Variants in GREB1 observed in about 807,000 individuals in gnomAD.
GREB1 encodes growth regulating estrogen receptor binding 1.
A neutral mutation model predicts 200.7 loss-of-function variants in GREB1; 106 were observed. That is an observed-to-expected ratio of 0.53 (90% CI 0.45 to 0.62). The LOEUF (loss-of-function observed/expected upper bound fraction) is 0.62. GREB1 is among the 20% of genes least tolerant of loss of function. GREB1 has a pLI of 0.00. For synonymous variants in GREB1, 1,132 were observed against 1,092.4 expected (o/e 1.04, Z -0.72); for missense variants, 2,243 against 2,556.8 (o/e 0.88, Z 2.65).
At chr2:11,541,446 A>G (rs4669745) in intron 1 of GREB1, among the ~76,000 whole-genome samples, 94,852 of 146,718 alleles carry the variant, frequency 0.65, 30,115 homozygotes, top group South Asian at 0.75. Context: ...GGCAAGTGAG[A>G]GGGGGGCCAT....
At chr2:11,607,773 G>T (rs927917890) in intron 17 of GREB1, among the ~76,000 whole-genome samples, 10 of 151,924 alleles carry the variant, frequency 6.6e-5, no homozygotes, top group African/African-American at 2.4e-4. Context: ...AGGACTCTTT[G>T]TTGCAAGTAA....
Position 11,637,741 on chromosome 2 carries a change from T to C in GREB1, c.5372T>C (p.Val1791Ala), listed in dbSNP as rs528797512. The C allele has an allele frequency of 6.2e-7, 1 of 1,613,694 alleles. No homozygotes were observed. Among genetic ancestry groups the C allele is most frequent in the South Asian group, 1.1e-5 (1 of 91,078 alleles). ...SKVSDNSAAV[V>A]PAQYICAPDS... ...GTGTCTGATAACTCTGCCGCGGTCGTGCCGGCCCAGTACATCTGTGCCCCG... is the reference window on the plus strand; with the variant it reads ...GTGTCTGATAACTCTGCCGCGGTCGCGCCGGCCCAGTACATCTGTGCCCCG... The change falls in exon 31 of 33, where the codon GTG becomes GCG. Residue 1791 changes from valine (V) to alanine (A), a missense_variant. Val to Ala is a moderately conservative substitution (Grantham distance 64). Coordinates refer to ENST00000381486, the MANE Select transcript of GREB1 (RefSeq NM_014668.4).
rs34558240 is a variant in GREB1, at chr2:11,548,291, C to CAT, written c.-161-8163_-161-8162insAT. Among the ~76,000 whole-genome samples the CAT allele has an allele frequency of 0.79, 120,055 of 151,806 alleles. 47,946 individuals carry two copies. Among genetic ancestry groups the CAT allele is most frequent in the African/African-American group, 0.9 (37,431 of 41,388 alleles). ...ATGTACAGCCAGACACATGCACACA[C>CAT]GTGCACATACCCACATATGCACACA... On this transcript the variant is annotated intron_variant, in intron 1 of 32. Transcript: ENST00000381486. This position sits in a 1 kb window ranked among gnomAD's most constrained non-coding sequence, Gnocchi z 5.1.
At chr2:11,613,823 A>G (rs533907957) in intron 19 of GREB1, among the ~76,000 whole-genome samples, 14 of 152,284 alleles carry the variant, frequency 9.2e-5, no homozygotes. Flanking sequence ...TAGTATTACC[A>G]TCCTGTTTCA....
rs773547447 is a variant in GREB1 at position 11,634,146 on chromosome 2, G to A, written c.5007G>A (p.Ser1669=). Residue 1669 remains serine (S), a synonymous_variant, in exon 29 of 33, where the codon TCG becomes TCA. Coordinates refer to ENST00000381486, the MANE Select transcript of GREB1 (RefSeq NM_014668.4). The part of the protein sequence containing the change: ...AGERSREFSW[S]ERNVSLKHIM... Reference sequence around the variant, plus strand: ...CTTGGAGCAGGGAGTTCTCCTGGTCGGAAAGGAACGTGTCTTTGAAGCACA... The same window carrying A: ...CTTGGAGCAGGGAGTTCTCCTGGTCAGAAAGGAACGTGTCTTTGAAGCACA... The A allele has an allele frequency of 4.5e-5, 73 of 1,614,066 alleles. No homozygotes were observed. Among genetic ancestry groups the A allele is most frequent in the East Asian group, 4.5e-5 (2 of 44,898 alleles).
intron 1 of GREB1, among the ~76,000 whole-genome samples, chr2:11,497,971 CTTTTTTTTTTTTT>C (rs70955803): frequency 1.8e-3 from 75 of 40,616 alleles, no homozygotes; most frequent in South Asian, 5.3e-3. Context: ...CAGAGCAAAA[CTTTTTTTTTTTTT>C]TTTTTTTTTT....
At chr2:11,530,508 A>G (rs531271444), upstream of GREB1, among the ~76,000 whole-genome samples, 1 of 149,524 alleles carries the variant, frequency 6.7e-6, no homozygotes, top group Non-Finnish European at 1.5e-5. Flanking sequence ...CGGAGGTTGC[A>G]GTGAGCTGAG....
intron 1 of GREB1, among the ~76,000 whole-genome samples, chr2:11,487,960 A>T (rs776354017): frequency 6.6e-6 from 1 of 152,068 alleles, no homozygotes; most frequent in African/African-American, 2.4e-5. Context: ...TACCATACTT[A>T]TTTAGTTTTG....
intron 30 of GREB1, among the ~76,000 whole-genome samples, chr2:11,637,501 T>C (rs1426626931): frequency 1.3e-5 from 2 of 152,170 alleles, no homozygotes; most frequent in East Asian, 3.9e-4. Flanking sequence ...TCTTACTGAT[T>C]AGGGTGGTTC....
chr2:11,598,570 G>T, intron 14 of GREB1, 110 bp from the exon 15 acceptor site: 1 of 917,692 alleles, frequency 1.1e-6, no homozygotes, highest in South Asian at 1.6e-5. Context: ...TTGCATCTCT[G>T]AGTCTAGCTC....
intron 19 of GREB1, 73 bp downstream of exon 19, chr2:11,612,683 G>C (rs1476666640): frequency 4.2e-6 from 4 of 944,436 alleles, no homozygotes; most frequent in East Asian, 4.9e-5. Context: ...GAGCATGTCA[G>C]GGGGGCTGCT....
At chr2:11,490,302 C>T (rs1672750076) in intron 1 of GREB1, among the ~76,000 whole-genome samples, 1 of 152,142 alleles carries the variant, frequency 6.6e-6, no homozygotes, top group Non-Finnish European at 1.5e-5. Context: ...TAAATGGAAC[C>T]ATGTAATATG....
intron 23 of GREB1, 86 bp downstream of exon 23, chr2:11,621,093 G>A: frequency 1.2e-6 from 1 of 829,272 alleles, no homozygotes; most frequent in South Asian, 1.4e-5. Context: ...TCACTTTCTA[G>A]ATGGAATTCT....
rs1453363393 is a variant in GREB1, at chr2:11,597,652, C to T, written c.1955-129C>T. The stretch of plus-strand genomic sequence containing the variant: ...AGGGACTTGATAAACGTGAGTTATT[C>T]CCCTTTCCCTCATCGCTTTGTGAAT... On this transcript the variant is annotated intron_variant, in intron 13 of 32. Coordinates refer to ENST00000381486, the MANE Select transcript of GREB1 (RefSeq NM_014668.4). The surrounding 1 kb of genome is among the most constrained non-coding windows in gnomAD (Gnocchi z 4.1). 9.0e-6 allele frequency: 7 copies of T among 775,554 alleles called. No homozygotes were observed. The highest frequency in any genetic ancestry group is 2.5e-5 in the East Asian group (1 of 40,208). 48.0% of individuals were successfully genotyped at this position (775,554 alleles called of 1,614,324 possible).
intron 14 of GREB1, 124 bp downstream of exon 14, chr2:11,598,102 A>G (rs940379353): frequency 2.7e-5 from 21 of 784,614 alleles, no homozygotes; most frequent in Non-Finnish European, 4.2e-5. Context: ...CTCTTGTTTT[A>G]TAGATTGTGA....
At chr2:11,625,962 C>T (rs1457486498) in intron 24 of GREB1, among the ~76,000 whole-genome samples, 2 of 152,066 alleles carry the variant, frequency 1.3e-5, no homozygotes, top group Admixed American at 1.3e-4. Flanking sequence ...AGAGTGAGAG[C>T]CCAGCAAAAG....
At chr2:11,564,487 T>C (rs1225256349) in intron 3 of GREB1, among the ~76,000 whole-genome samples, 2 of 152,212 alleles carry the variant, frequency 1.3e-5, no homozygotes, top group Non-Finnish European at 2.9e-5. Flanking sequence ...GAGGCCAGCC[T>C]GGGCAACATA....
chr2:11,573,361 G>A (rs1008449107), intron 4 of GREB1, among the ~76,000 whole-genome samples: 2 of 152,212 alleles, frequency 1.3e-5, no homozygotes, highest in Non-Finnish European at 2.9e-5. Context: ...TGAGGACACT[G>A]AAGGAAGAAT....
At chr2:11,589,764 C>G (rs1027930659) in intron 10 of GREB1, among the ~76,000 whole-genome samples, 10 of 152,090 alleles carry the variant, frequency 6.6e-5, no homozygotes, top group African/African-American at 1.9e-4. Context: ...GCTGGAGGGG[C>G]TATTCTGAAG....
Sources: gnomAD v4.1 joint callset for allele counts (sites outside exome capture counted in the v4.1 genomes callset) on GRCh38, gnomAD v4.1.1 for gene constraint, Gnocchi (gnomAD v3.1) non-coding constraint, MANE v1.5 for transcripts, NCBI Gene and HGNC (gene_info 2026-07-23, HGNC 2026-07-21) for gene names.